Variants in ATE1 observed in about 807,000 individuals in gnomAD.
ATE1 encodes arginyltransferase 1.
A neutral mutation model predicts 70.5 loss-of-function variants in ATE1; 36 were observed. The ratio of observed to expected loss-of-function variants is 0.51; its 90% confidence interval spans 0.39 to 0.67. The LOEUF (loss-of-function observed/expected upper bound fraction) is 0.67, where lower values mean the gene tolerates loss of function less well. Ranked by LOEUF, ATE1 falls within the 30% of genes least tolerant of loss-of-function variation. ATE1 has a pLI of 0.00. For missense variants in ATE1, 593 were observed against 629.5 expected (o/e 0.94, Z 0.62); for synonymous variants, 232 against 219.3 (o/e 1.06, Z -0.51).
chr10:121,754,598 T>C (rs1944718390), intron 11 of ATE1, among the ~76,000 whole-genome samples: 1 of 152,200 alleles, frequency 6.6e-6, no homozygotes, highest in Non-Finnish European at 1.5e-5. Context: ...GTAGAAGTAG[T>C]GATAGAATTA....
chr10:121,866,251 C>T (rs1201895492), intron 8 of ATE1, among the ~76,000 whole-genome samples: 1 of 152,124 alleles, frequency 6.6e-6, no homozygotes, highest in Non-Finnish European at 1.5e-5. Context: ...CCTCAAGTGG[C>T]CCCTGTGGAA....
chr10:121,893,930 G>A (rs551937983), intron 7 of ATE1, among the ~76,000 whole-genome samples: 1 of 152,290 alleles, frequency 6.6e-6, no homozygotes, highest in African/African-American at 2.4e-5. Context: ...CTGAGGTCAG[G>A]AGTTCGAGAC....
intron 11 of ATE1, among the ~76,000 whole-genome samples, chr10:121,774,796 T>A (rs1262040103): frequency 6.6e-6 from 1 of 151,830 alleles, no homozygotes; most frequent in East Asian, 1.9e-4. Flanking sequence ...AAATTATCTG[T>A]GCTGATGAAA....
rs571575953 is a variant in ATE1 at position 121,896,047 on chromosome 10, A to G, written c.942+3819T>C. On this transcript the variant is annotated intron_variant, in intron 7 of 11. Coordinates refer to ENST00000224652, the MANE Select transcript of ATE1 (RefSeq NM_001001976.3). ...TTAATAACTTTTAATCTAAGAATAG[A>G]GTTCCCTTTTTAAGTGCTTCTTTAT... is the stretch of plus-strand genomic sequence containing the variant. Among the ~76,000 whole-genome samples, 35 of 152,328 alleles carry G rather than the reference A, an allele frequency of 2.3e-4. 3 individuals carry two copies. In the South Asian group the frequency reaches 6.4e-3, roughly 28 times the overall value.
intron 11 of ATE1, among the ~76,000 whole-genome samples, chr10:121,779,269 C>T (rs1184650138): frequency 6.6e-6 from 1 of 152,130 alleles, no homozygotes; most frequent in Non-Finnish European, 1.5e-5. Flanking sequence ...CTGGAAAAGC[C>T]GGGCTGCTGA....
chr10:121,797,896 G>C (rs1420632371), intron 10 of ATE1, among the ~76,000 whole-genome samples: 1 of 152,162 alleles, frequency 6.6e-6, no homozygotes, highest in East Asian at 1.9e-4. Context: ...TAACCGTCTT[G>C]TTAATTTCCT....
At chr10:121,909,294 A>G (rs1186456988) in intron 5 of ATE1, among the ~76,000 whole-genome samples, 1 of 152,168 alleles carries the variant, frequency 6.6e-6, no homozygotes, top group Admixed American at 6.5e-5. Flanking sequence ...TGGCCGTAAG[A>G]GATTTTTTAA....
chr10:121,868,852 G>A (rs1001156290), intron 8 of ATE1, among the ~76,000 whole-genome samples: 4 of 152,118 alleles, frequency 2.6e-5, no homozygotes, highest in Non-Finnish European at 5.9e-5. Context: ...GCTACCACAC[G>A]TTTTCAATGC....
At position 121,836,490 on chromosome 10, in the gene ATE1, G is replaced by A. The variant is rs563709402; in HGVS notation, c.1257+228C>T. On this transcript the variant is annotated intron_variant, in intron 10 of 11. Transcript: ENST00000224652. ...AGAGTCATAAAACTTTTTTTTAAAG[G>A]GAAATTCTGAAATATACTTAAATCT... Among the ~76,000 whole-genome samples, 14 of 152,034 alleles carry A rather than the reference G, an allele frequency of 9.2e-5. 1 individual carries two copies. The highest frequency in any genetic ancestry group is 3.1e-4 in the African/African-American group (13 of 41,462).
chr10:121,925,964 G>A (rs12266067), intron 1 of ATE1, among the ~76,000 whole-genome samples: 20,240 of 151,964 alleles, frequency 0.13, 1,553 homozygotes, highest in East Asian at 0.18. Flanking sequence ...CCAGCACTTT[G>A]GGAGGCCGAG....
At chr10:121,811,250 A>G (rs1947307274) in intron 10 of ATE1, among the ~76,000 whole-genome samples, 1 of 152,206 alleles carries the variant, frequency 6.6e-6, no homozygotes, top group South Asian at 2.1e-4. Context: ...ATATAAACAT[A>G]CATTCACATA....
intron 7 of ATE1, among the ~76,000 whole-genome samples, chr10:121,881,135 A>C (rs1950211154): frequency 6.6e-6 from 1 of 152,222 alleles, no homozygotes; most frequent in Non-Finnish European, 1.5e-5. Context: ...TTTCAAGAAC[A>C]CTATTTTCTT....
chr10:121,877,126 T>G (rs938041544), intron 7 of ATE1, among the ~76,000 whole-genome samples: 1 of 152,208 alleles, frequency 6.6e-6, no homozygotes, highest in African/African-American at 2.4e-5. Flanking sequence ...GGTGGCATTC[T>G]GTACTGATTT....
intron 10 of ATE1, among the ~76,000 whole-genome samples, chr10:121,811,951 CTTTTTTTTTTTTT>C (rs71022870): frequency 1.3e-5 from 1 of 74,746 alleles, no homozygotes; most frequent in Non-Finnish European, 2.4e-5. Context: ...ATTCCAAATT[CTTTTTTTTTTTTT>C]TTTTTTTTTT....
At chr10:121,807,791 G>C (rs186470359) in intron 10 of ATE1, among the ~76,000 whole-genome samples, 1 of 152,200 alleles carries the variant, frequency 6.6e-6, no homozygotes, top group African/African-American at 2.4e-5. Context: ...ACTAAAAATG[G>C]GTTTTACATT....
At chr10:121,804,295 CTA>C (rs1255405518) in intron 10 of ATE1, among the ~76,000 whole-genome samples, 1 of 152,126 alleles carries the variant, frequency 6.6e-6, no homozygotes, top group African/African-American at 2.4e-5. Context: ...CATTCAATGA[CTA>C]TACCATTAAA....
intron 8 of ATE1, among the ~76,000 whole-genome samples, chr10:121,869,247 T>C (rs567966059): frequency 6.6e-6 from 1 of 152,340 alleles, no homozygotes; most frequent in Non-Finnish European, 1.5e-5. Flanking sequence ...CAATGTCATA[T>C]AGCTAGTAAG....
At chr10:121,893,847 A>C (rs1012909101) in intron 7 of ATE1, among the ~76,000 whole-genome samples, 2 of 152,194 alleles carry the variant, frequency 1.3e-5, no homozygotes, top group East Asian at 3.9e-4. Context: ...TAAAAGAGGA[A>C]CAGAGGAAGG....
intron 5 of ATE1, among the ~76,000 whole-genome samples, chr10:121,904,838 T>C (rs1951130441): frequency 1.3e-5 from 2 of 152,106 alleles, no homozygotes; most frequent in Middle Eastern, 3.4e-3. Context: ...AAATAGTGAG[T>C]TCACAAACAG....
Sources: gnomAD v4.1 joint callset for allele counts (sites outside exome capture counted in the v4.1 genomes callset) on GRCh38, gnomAD v4.1.1 for gene constraint, MANE v1.5 for transcripts, NCBI Gene and HGNC (gene_info 2026-07-23, HGNC 2026-07-21) for gene names.